Variants in CALN1 observed in about 807,000 individuals in gnomAD.
The protein encoded by CALN1 is calcium-binding protein 8.
Under a neutral mutation model 30.6 loss-of-function variants are expected in CALN1, and 17 were observed. The observed-to-expected ratio is 0.56, with a 90% CI of 0.38 to 0.83. The LOEUF is 0.83. CALN1 is among the 40% of genes least tolerant of loss of function. CALN1 has a pLI of 0.00. For missense variants in CALN1, 291 were observed against 354.9 expected (o/e 0.82, Z 1.45); for synonymous variants, 156 against 131.4 (o/e 1.19, Z -1.28).
intron 6 of CALN1, among the ~76,000 whole-genome samples, chr7:71,798,123 CAGAGAGAGAGAGAGAGAGAGAG>C (rs3973907): frequency 0.015 from 1,039 of 71,040 alleles, 12 homozygotes; most frequent in Middle Eastern, 0.052. Flanking sequence ...GAGACAGAGA[CAGAGAGAGAGAGAGAGAGAGAG>C]AGAGAGAGAG....
chr7:72,360,559 G>C (rs921477570), intron 2 of CALN1, among the ~76,000 whole-genome samples: 2 of 151,222 alleles, frequency 1.3e-5, no homozygotes, highest in Admixed American at 6.6e-5. Flanking sequence ...GGAATGAAAC[G>C]ATAGCATTAG....
chr7:72,390,853 T>C (rs193291082), intron 2 of CALN1, among the ~76,000 whole-genome samples: 304 of 152,388 alleles, frequency 2.0e-3, no homozygotes, highest in African/African-American at 5.8e-3. Context: ...ACCATGCTTA[T>C]GTATAATACA....
intron 2 of CALN1, among the ~76,000 whole-genome samples, chr7:72,317,577 G>C (rs769638267): frequency 6.6e-6 from 1 of 152,188 alleles, no homozygotes; most frequent in Non-Finnish European, 1.5e-5. Context: ...AAACGCTGGA[G>C]ACAGAACTGT....
At chr7:72,363,267 C>A (rs1322280790) in intron 2 of CALN1, among the ~76,000 whole-genome samples, 1 of 152,148 alleles carries the variant, frequency 6.6e-6, no homozygotes, top group Non-Finnish European at 1.5e-5. Flanking sequence ...GAGACGAAGT[C>A]TCGCTCTGTT....
At chr7:72,357,981 A>T (rs188940310) in intron 2 of CALN1, among the ~76,000 whole-genome samples, 4,066 of 150,282 alleles carry the variant, frequency 0.027, 117 homozygotes, top group Non-Finnish European at 0.033. Context: ...ATTTTTTTGT[A>T]TTTTTAGTAG....
intron 4 of CALN1, among the ~76,000 whole-genome samples, chr7:72,053,187 A>T (rs1802949562): frequency 6.6e-6 from 1 of 152,106 alleles, no homozygotes; most frequent in Non-Finnish European, 1.5e-5. Flanking sequence ...CCATGATCTC[A>T]CCACTGCACT....
chr7:72,228,801 G>C (rs1452308054), intron 3 of CALN1, among the ~76,000 whole-genome samples: 1 of 151,376 alleles, frequency 6.6e-6, no homozygotes, highest in African/African-American at 2.4e-5. Context: ...TTGCTCTATA[G>C]TCCAGGCTGG....
At chr7:71,937,098 T>C (rs1324391539) in intron 5 of CALN1, among the ~76,000 whole-genome samples, 1 of 152,142 alleles carries the variant, frequency 6.6e-6, no homozygotes, top group Non-Finnish European at 1.5e-5. Flanking sequence ...TCTTTAAATA[T>C]CTATCTTTCT....
chr7:72,397,197 C>G (rs1360984995), intron 2 of CALN1, among the ~76,000 whole-genome samples: 2 of 152,144 alleles, frequency 1.3e-5, no homozygotes, highest in Non-Finnish European at 2.9e-5. Context: ...AATCATAAGC[C>G]ATCATACTCA....
chr7:72,283,712 A>G (rs1420467912), intron 2 of CALN1, among the ~76,000 whole-genome samples: 1 of 152,222 alleles, frequency 6.6e-6, no homozygotes, highest in Non-Finnish European at 1.5e-5. Context: ...GGTCAGTGAG[A>G]CCTGACAAAG....
intron 4 of CALN1, among the ~76,000 whole-genome samples, chr7:72,093,713 A>T (rs946618155): frequency 7.9e-5 from 12 of 152,138 alleles, no homozygotes; most frequent in Non-Finnish European, 1.6e-4. Context: ...CTCTCAGCTC[A>T]AGTCACAGAG....
At chr7:72,392,231 C>A (rs114390103) in intron 2 of CALN1, among the ~76,000 whole-genome samples, 4 of 152,312 alleles carry the variant, frequency 2.6e-5, no homozygotes, top group South Asian at 4.1e-4. Context: ...TGTCAGCCCC[C>A]AGCCATCTGC....
At chr7:71,860,189 T>C (rs1029791800) in intron 5 of CALN1, among the ~76,000 whole-genome samples, 2 of 145,824 alleles carry the variant, frequency 1.4e-5, no homozygotes, top group Admixed American at 6.8e-5. Context: ...GCATTCTTTA[T>C]TTTCATTTTT....
intron 4 of CALN1, among the ~76,000 whole-genome samples, chr7:72,034,479 A>T (rs1049857241): frequency 5.0e-5 from 1 of 20,078 alleles, no homozygotes; most frequent in African/African-American, 3.5e-4. Flanking sequence ...CTGACAGCTA[A>T]AAAAATGTGG....
At chr7:72,206,090 G>C (rs374499663) in intron 3 of CALN1, among the ~76,000 whole-genome samples, 113 of 152,166 alleles carry the variant, frequency 7.4e-4, no homozygotes, top group African/African-American at 2.6e-3. Flanking sequence ...GAAGATCAAG[G>C]GCTCACTCAC....
intron 1 of CALN1, among the ~76,000 whole-genome samples, chr7:72,411,847 G>C (rs1015800979): frequency 1.3e-5 from 2 of 152,162 alleles, no homozygotes; most frequent in Non-Finnish European, 2.9e-5. Context: ...TTTCCATACA[G>C]ATTATATTCC....
chr7:72,388,457 C>T (rs2944810), intron 2 of CALN1, among the ~76,000 whole-genome samples: 150,186 of 152,158 alleles, frequency 0.99, 74,148 homozygotes, highest in Middle Eastern at 1. Flanking sequence ...CCGAGGAAAT[C>T]TGCCTAAATC....
intron 3 of CALN1, among the ~76,000 whole-genome samples, chr7:72,183,913 T>G (rs1276442628): frequency 6.6e-6 from 1 of 152,144 alleles, no homozygotes; most frequent in Admixed American, 6.5e-5. Context: ...CTGACTTTTT[T>G]TTTTCTAGTA....
intron 2 of CALN1, among the ~76,000 whole-genome samples, chr7:72,305,917 T>C (rs985031193): frequency 6.6e-6 from 1 of 152,078 alleles, no homozygotes; most frequent in African/African-American, 2.4e-5. Context: ...GAGGGCAAGC[T>C]CTCTGGTATC....
Sources: gnomAD v4.1 joint callset for allele counts (sites outside exome capture counted in the v4.1 genomes callset) on GRCh38, gnomAD v4.1.1 for gene constraint, MANE v1.5 for transcripts, NCBI Gene and HGNC (gene_info 2026-07-23, HGNC 2026-07-21) for gene names.